Variants in CRPPA observed in about 807,000 individuals in gnomAD.
CRPPA encodes D-ribitol-5-phosphate cytidylyltransferase.
In CRPPA, 43 loss-of-function variants were observed where a neutral mutation model predicts 52.0. The ratio of observed to expected loss-of-function variants is 0.83; its 90% confidence interval spans 0.65 to 1.07. The LOEUF is 1.07. Ranked by LOEUF, CRPPA falls within the 50% of genes least tolerant of loss-of-function variation. CRPPA has a pLI of 0.00. For synonymous variants in CRPPA, 250 were observed against 203.5 expected, an observed-to-expected ratio of 1.23 and a Z score of -1.94; for missense variants, 629 against 551.7, an observed-to-expected ratio of 1.14 and a Z score of -1.40.
chr7:16,251,593 A>G (rs747981541), intron 8 of CRPPA, among the ~76,000 whole-genome samples: 2 of 152,240 alleles, frequency 1.3e-5, no homozygotes, highest in Non-Finnish European at 2.9e-5. Context: ...CTGTACAACT[A>G]CATGGAAACT....
chr7:16,418,628 A>G (rs971048641), intron 1 of CRPPA, among the ~76,000 whole-genome samples: 1 of 152,160 alleles, frequency 6.6e-6, no homozygotes, highest in African/African-American at 2.4e-5. Flanking sequence ...ACTACGAAAC[A>G]CTAACAAAAC....
At chr7:16,239,137 C>CAAAAAAAAAAAAAAA (rs35537101) in intron 8 of CRPPA, among the ~76,000 whole-genome samples, 23 of 88,504 alleles carry the variant, frequency 2.6e-4, no homozygotes, top group East Asian at 7.2e-4. Flanking sequence ...GACTCTGTCT[C>CAAAAAAAAAAAAAAA]AAAAAAAAAA....
At chr7:16,279,685 G>C (rs1031779811) in intron 5 of CRPPA, among the ~76,000 whole-genome samples, 1 of 152,118 alleles carries the variant, frequency 6.6e-6, no homozygotes, top group Non-Finnish European at 1.5e-5. Context: ...TCTTGAAAGG[G>C]GAATAGATTT....
At chr7:16,312,831 T>A (rs1400936340) in intron 3 of CRPPA, among the ~76,000 whole-genome samples, 1 of 152,000 alleles carries the variant, frequency 6.6e-6, no homozygotes, top group Non-Finnish European at 1.5e-5. Flanking sequence ...TCCATTAATA[T>A]GATTATATGA....
At chr7:16,381,509 G>T (rs545501128) in intron 2 of CRPPA, among the ~76,000 whole-genome samples, 1 of 151,936 alleles carries the variant, frequency 6.6e-6, no homozygotes, top group African/African-American at 2.4e-5. Context: ...TATTAGGTCC[G>T]CTTGGTGCAG....
intron 3 of CRPPA, among the ~76,000 whole-genome samples, chr7:16,374,216 G>A (rs1044544041): frequency 1.1e-4 from 16 of 152,118 alleles, no homozygotes; most frequent in Non-Finnish European, 2.4e-4. Flanking sequence ...AACGAAGCAG[G>A]CAGAAGAAGG....
At chr7:16,266,801 T>C (rs1212710126) in intron 6 of CRPPA, among the ~76,000 whole-genome samples, 2 of 152,130 alleles carry the variant, frequency 1.3e-5, no homozygotes, top group African/African-American at 4.8e-5. Flanking sequence ...GCATCCAAAG[T>C]TGGATAGTAT....
intron 9 of CRPPA, among the ~76,000 whole-genome samples, chr7:16,127,131 T>C (rs1782596082): frequency 1.3e-5 from 2 of 152,180 alleles, no homozygotes; most frequent in African/African-American, 4.8e-5. Context: ...TAACACATTA[T>C]GAAATTAAAA....
intron 6 of CRPPA, among the ~76,000 whole-genome samples, chr7:16,274,743 T>A (rs1030226589): frequency 4.6e-5 from 7 of 152,170 alleles, no homozygotes; most frequent in Non-Finnish European, 8.8e-5. Context: ...TGTCTATATT[T>A]ATAGACGAAT....
chr7:16,168,761 G>A (rs1428871817), intron 9 of CRPPA, among the ~76,000 whole-genome samples: 2 of 152,116 alleles, frequency 1.3e-5, no homozygotes, highest in Non-Finnish European at 2.9e-5. Flanking sequence ...TAGCCAGACT[G>A]ACGGTTACGT....
rs138447018 is a variant in CRPPA, at chr7:16,180,611, C to A, written c.1251+35455G>T. 1.9e-3 allele frequency among the ~76,000 whole-genome samples: 284 copies of A among 152,070 alleles called. 2 individuals carry two copies. Among genetic ancestry groups the A allele is most frequent in the East Asian group, 0.019 (96 of 5,174 alleles). ...TCGAAATCATACAATGGAATATATTCATCTAACAATATTTTCTACAATTTT... is the reference window on the plus strand; with the variant it reads ...TCGAAATCATACAATGGAATATATTAATCTAACAATATTTTCTACAATTTT... On this transcript the variant is annotated intron_variant, in intron 9 of 9. Coordinates refer to ENST00000407010, the MANE Select transcript of CRPPA (RefSeq NM_001101426.4).
At chr7:16,251,073 C>A (rs1474266895) in intron 8 of CRPPA, among the ~76,000 whole-genome samples, 1 of 151,622 alleles carries the variant, frequency 6.6e-6, no homozygotes, top group African/African-American at 2.4e-5. Flanking sequence ...GCAGGGGTTG[C>A]AATCCTAGTC....
At chr7:16,279,019 A>G (rs535953142) in intron 5 of CRPPA, among the ~76,000 whole-genome samples, 25 of 152,206 alleles carry the variant, frequency 1.6e-4, no homozygotes, top group Non-Finnish European at 3.1e-4. Flanking sequence ...TATAATTAAC[A>G]GCGGTTCTTC....
intron 8 of CRPPA, among the ~76,000 whole-genome samples, chr7:16,245,055 A>G (rs1783232247): frequency 6.6e-6 from 1 of 152,090 alleles, no homozygotes; most frequent in Non-Finnish European, 1.5e-5. Flanking sequence ...TTTAAAAAAA[A>G]AAAAAAGCTT....
chr7:16,196,495 GAGGT>G (rs1781738555), intron 9 of CRPPA, among the ~76,000 whole-genome samples: 1 of 152,164 alleles, frequency 6.6e-6, no homozygotes, highest in Non-Finnish European at 1.5e-5. Context: ...CAGAAATAGT[GAGGT>G]TATCTTCGGC....
chr7:16,201,848 C>G (rs991484752), intron 9 of CRPPA, among the ~76,000 whole-genome samples: 1 of 152,118 alleles, frequency 6.6e-6, no homozygotes, highest in Admixed American at 6.6e-5. Context: ...TTCTTACTTT[C>G]CCATCCTTTA....
intron 9 of CRPPA, among the ~76,000 whole-genome samples, chr7:16,201,029 T>C (rs536246202): frequency 6.6e-6 from 1 of 152,218 alleles, no homozygotes; most frequent in South Asian, 2.1e-4. Flanking sequence ...AACACACATA[T>C]GAATACATAA....
Position 16,088,111 on chromosome 7 carries a change from T to A in CRPPA, c.*3584A>T, listed in dbSNP as rs1387718668. ...AACAAGTCATCTCAAATTGAGCACT[T>A]TTATGAAAAAAAATAGGACCTCTAC... is the stretch of plus-strand genomic sequence containing the variant. On this transcript the variant is annotated 3_prime_UTR_variant, in exon 10 of 10. Coordinates refer to ENST00000407010, the MANE Select transcript of CRPPA (RefSeq NM_001101426.4). 2 of 152,074 alleles carry A rather than the reference T, an allele frequency of 1.3e-5. No homozygotes were observed. The highest frequency in any genetic ancestry group is 2.9e-5 in the Non-Finnish European group (2 of 68,000). 9.4% of individuals were successfully genotyped at this position (152,074 alleles called of 1,614,324 possible).
At chr7:16,344,368 A>G (rs367751486) in intron 3 of CRPPA, among the ~76,000 whole-genome samples, 1 of 147,578 alleles carries the variant, frequency 6.8e-6, no homozygotes, top group South Asian at 2.2e-4. Context: ...GGAGTTACAG[A>G]CCAACCTGGA....
Sources: gnomAD v4.1 joint callset for allele counts (sites outside exome capture counted in the v4.1 genomes callset) on GRCh38, gnomAD v4.1.1 for gene constraint, MANE v1.5 for transcripts, NCBI Gene and HGNC (gene_info 2026-07-23, HGNC 2026-07-21) for gene names.